The following ELOVL5 variants were observed in gnomAD, a reference collection of about 807,000 sequenced individuals.
The protein encoded by ELOVL5 is very long chain fatty acid elongase 5.
ELOVL5 carries 8 observed loss-of-function variants against 38.6 expected under a neutral mutation model. The observed-to-expected ratio is 0.21, with a 90% CI of 0.12 to 0.37. The LOEUF (loss-of-function observed/expected upper bound fraction) is 0.37, where lower values mean the gene tolerates loss of function less well. Among genes scored for constraint, ELOVL5 ranks in the 10% least tolerant of loss-of-function variants. The pLI is 1.00. For missense variants in ELOVL5, 280 were observed against 367.8 expected, an observed-to-expected ratio of 0.76 and a Z score of 1.95; for synonymous variants, 127 against 133.7, an observed-to-expected ratio of 0.95 and a Z score of 0.34.
chr6:53,306,503 T>C (rs1767586193), intron 1 of ELOVL5, among the ~76,000 whole-genome samples: 1 of 92,670 alleles, frequency 1.1e-5, no homozygotes, highest in South Asian at 2.7e-4. Flanking sequence ...ACACTTGATC[T>C]TAAAAACTCA....
At chr6:53,319,187 C>T (rs1490098179) in intron 1 of ELOVL5, among the ~76,000 whole-genome samples, 3 of 144,086 alleles carry the variant, frequency 2.1e-5, no homozygotes, top group Admixed American at 1.4e-4. Context: ...AGGAGAATGG[C>T]GTGAACCCGG....
rs777581304 is a variant in ELOVL5, at chr6:53,268,439, A to T, written c.*688T>A. ...GTAGAGCCCCCCCCTTTTTACATTA[A>T]TAGTGGCACTCAAAATAAAAAAATA... On this transcript the variant is annotated 3_prime_UTR_variant, in exon 8 of 8. Transcript: ENST00000304434. 2.0e-5 allele frequency: 3 copies of T among 152,372 alleles called. No individual in the cohort carries two copies. The highest frequency in any genetic ancestry group is 4.4e-5 in the Non-Finnish European group (3 of 68,042). 9.4% of individuals were successfully genotyped at this position (152,372 alleles called of 1,614,324 possible). A position where few individuals can be genotyped will look rare whatever the true frequency, so the allele number is the denominator to read the frequency against.
At chr6:53,276,366 C>T (rs1313758990) in intron 3 of ELOVL5, 110 bp from the exon 4 acceptor site, 2 of 714,708 alleles carry the variant, frequency 2.8e-6, no homozygotes, top group Non-Finnish European at 4.9e-6. Context: ...CTGTGCTGAG[C>T]CAAGTTTGCT....
intron 1 of ELOVL5, among the ~76,000 whole-genome samples, chr6:53,322,536 C>CA (rs1768342476): frequency 6.6e-6 from 1 of 152,174 alleles, no homozygotes; most frequent in African/African-American, 2.4e-5. Flanking sequence ...TCACAGGACA[C>CA]AAATGAGAAA....
chr6:53,342,554 T>C (rs1229830095), intron 1 of ELOVL5, among the ~76,000 whole-genome samples: 1 of 152,192 alleles, frequency 6.6e-6, no homozygotes. Context: ...ATGGGGTAAA[T>C]GTGGAACTTA....
chr6:53,292,284 A>T (rs1333622797), intron 2 of ELOVL5, among the ~76,000 whole-genome samples: 1 of 152,248 alleles, frequency 6.6e-6, no homozygotes, highest in Non-Finnish European at 1.5e-5. Context: ...AACCAGGTAT[A>T]CCAGATTACA....
chr6:53,348,768 T>C (rs1436430952), intron 1 of ELOVL5, 49 bp downstream of exon 1: 5 of 452,720 alleles, frequency 1.1e-5, no homozygotes, highest in East Asian at 7.1e-5. Context: ...GCGGGTGTCA[T>C]GGCCGAGCGG....
chr6:53,276,829 C>A (rs1402477249), intron 3 of ELOVL5, among the ~76,000 whole-genome samples: 1 of 151,942 alleles, frequency 6.6e-6, no homozygotes, highest in Admixed American at 6.6e-5. Context: ...ATAATTTAGT[C>A]CAACTTTATC....
intron 1 of ELOVL5, among the ~76,000 whole-genome samples, chr6:53,339,413 C>A (rs1769223871): frequency 6.6e-6 from 1 of 152,208 alleles, no homozygotes; most frequent in Non-Finnish European, 1.5e-5. Flanking sequence ...AAGGTGGTGG[C>A]AGACTTGTCT....
chr6:53,299,232 CA>C, intron 1 of ELOVL5, among the ~76,000 whole-genome samples: 1 of 148,510 alleles, frequency 6.7e-6, no homozygotes, highest in South Asian at 2.1e-4. Context: ...AAAATTCAAA[CA>C]AAAGTATTCT....
At chr6:53,314,483 T>C (rs1408977526) in intron 1 of ELOVL5, among the ~76,000 whole-genome samples, 6 of 152,226 alleles carry the variant, frequency 3.9e-5, no homozygotes, top group Non-Finnish European at 8.8e-5. Context: ...GTCAATCATA[T>C]GAAAATTTTA....
intron 1 of ELOVL5, among the ~76,000 whole-genome samples, chr6:53,308,648 G>GA (rs1328503335): frequency 6.6e-6 from 1 of 152,052 alleles, no homozygotes; most frequent in Non-Finnish European, 1.5e-5. Context: ...GTAATTCTGG[G>GA]AAACAGCCTG....
chr6:53,298,005 A>G (rs529918674), intron 1 of ELOVL5, among the ~76,000 whole-genome samples: 5 of 152,230 alleles, frequency 3.3e-5, no homozygotes, highest in Admixed American at 6.5e-5. Flanking sequence ...GTTCTGCCCA[A>G]GGTGGGTTCA....
Position 53,340,935 on chromosome 6 carries a change from C to T in ELOVL5, c.-9+7882G>A, listed in dbSNP as rs191721757. Among the ~76,000 whole-genome samples the T allele has an allele frequency of 2.4e-4, 37 of 152,326 alleles. No individual in the cohort carries two copies. In the Middle Eastern group the frequency reaches 0.027, roughly 112 times the overall value. On this transcript the variant is annotated intron_variant, in intron 1 of 7. Transcript: ENST00000304434. ...GTCTTTCCCTCCCGTCTGCATTTCT[C>T]TGAGCGTATATACCTTGTAAATCAA... is the stretch of plus-strand genomic sequence containing the variant.
chr6:53,325,830 A>G (rs146887693), intron 1 of ELOVL5, among the ~76,000 whole-genome samples: 199 of 152,376 alleles, frequency 1.3e-3, no homozygotes, highest in Middle Eastern at 6.8e-3. Flanking sequence ...CGACTTTATT[A>G]AGCAGCCATG....
At chr6:53,305,308 G>A (rs1767458000) in intron 1 of ELOVL5, among the ~76,000 whole-genome samples, 3 of 140,710 alleles carry the variant, frequency 2.1e-5, no homozygotes, top group Admixed American at 1.4e-4. Flanking sequence ...TCCCGGACAG[G>A]GCGGCTGGCC....
At chr6:53,348,752 G>C (rs901739692) in intron 1 of ELOVL5, 65 bp downstream of exon 1, 27 of 449,288 alleles carry the variant, frequency 6.0e-5, no homozygotes, top group Admixed American at 2.9e-4. Flanking sequence ...CCGGCCGCGC[G>C]CTCGCGCGGG....
chr6:53,294,753 A>G (rs183758207), intron 2 of ELOVL5, among the ~76,000 whole-genome samples: 21 of 152,268 alleles, frequency 1.4e-4, no homozygotes, highest in African/African-American at 4.8e-4. Context: ...CCTCTCCCCT[A>G]CTGACAGGCA....
At chr6:53,311,153 C>T (rs767921817) in intron 1 of ELOVL5, among the ~76,000 whole-genome samples, 7 of 152,124 alleles carry the variant, frequency 4.6e-5, no homozygotes, top group African/African-American at 9.7e-5. Flanking sequence ...TTTTCTCTTC[C>T]ACAAAAGCCT....
Sources: allele counts gnomAD v4.1 joint callset (sites outside exome capture counted in the v4.1 genomes callset), GRCh38; gene constraint gnomAD v4.1.1; transcripts MANE v1.5; gene names NCBI Gene and HGNC (gene_info 2026-07-23, HGNC 2026-07-21).